Variants in EPS8 observed in about 807,000 individuals in gnomAD.
EPS8 encodes epidermal growth factor receptor kinase substrate 8.
In EPS8, 42 loss-of-function variants were observed where a neutral mutation model predicts 103.8. The observed-to-expected ratio is 0.40, with a 90% CI of 0.32 to 0.52. The LOEUF is 0.52. EPS8 is among the 20% of genes least tolerant of loss of function. EPS8 has a pLI of 0.40. For missense variants in EPS8, 969 were observed against 1,005.1 expected, an observed-to-expected ratio of 0.96 and a Z score of 0.49; for synonymous variants, 344 against 344.6, an observed-to-expected ratio of 1.00 and a Z score of 0.02.
chr12:15,720,877 G>C lies in EPS8; in HGVS notation c.-21-37905C>G, dbSNP rs185385281. On this transcript the variant is annotated intron_variant, in intron 1 of 20. Coordinates refer to ENST00000281172, the MANE Select transcript of EPS8 (RefSeq NM_004447.6). The stretch of plus-strand genomic sequence containing the variant: ...AGCCTGTTTATCTACCACTTGCTCA[G>C]AGAAGCACACCCAGATATTTAAAGT... Among the ~76,000 whole-genome samples, 4 of 152,246 alleles carry C rather than the reference G, an allele frequency of 2.6e-5. No homozygotes were observed. The East Asian group carries it at 7.7e-4, about 29-fold the overall frequency.
chr12:15,627,715 T>C (rs1411964800), intron 18 of EPS8, among the ~76,000 whole-genome samples: 1 of 152,188 alleles, frequency 6.6e-6, no homozygotes, highest in African/African-American at 2.4e-5. Context: ...AAAAGATGTG[T>C]GTGTATATGA....
chr12:15,780,529 CAG>C lies in EPS8; in HGVS notation c.-22+8630_-22+8631del, dbSNP rs1947250414. 6.6e-6 allele frequency: 1 copy of C among 151,332 alleles called. No homozygotes were observed. Among genetic ancestry groups the C allele is most frequent in the Non-Finnish European group, 1.4e-5 (1 of 68,988 alleles). 9.4% of individuals were successfully genotyped at this position (151,332 alleles called of 1,614,324 possible). A position where few individuals can be genotyped will look rare whatever the true frequency, so the allele number is the denominator to read the frequency against. ...ACACACACACACACACACACACACA[CAG>C]GCATACACACTTTTCATTTAACATC... On this transcript the variant is annotated intron_variant, in intron 1 of 20. Transcript: ENST00000281172. The surrounding 1 kb of genome is among the most constrained non-coding windows in gnomAD (Gnocchi z 4.1).
rs1284893603 is a variant in EPS8, at chr12:15,764,199, T to C, written c.-22+24962A>G. 6.6e-6 allele frequency among the ~76,000 whole-genome samples: 1 copy of C among 152,044 alleles called. No individual in the cohort carries two copies. Among genetic ancestry groups the C allele is most frequent in the Non-Finnish European group, 1.5e-5 (1 of 67,996 alleles). On this transcript the variant is annotated intron_variant, in intron 1 of 20. Transcript: ENST00000281172. The surrounding 1 kb of genome is among the most constrained non-coding windows in gnomAD (Gnocchi z 4.1). ...AACTCCCCTTTATAAAACCATCAGA[T>C]CTCGTGAGACTTATTCACTGTCACA...
chr12:15,732,659 T>A, intron 1 of EPS8: 1 of 465,654 alleles, frequency 2.1e-6, no homozygotes, highest in Non-Finnish European at 2.8e-6. Context: ...TTTGGAGAAG[T>A]CAAATAAATG....
rs1329964464 is a variant in EPS8 at position 15,620,367 on chromosome 12, AG to A, written c.*949del. 1.3e-5 allele frequency: 2 copies of A among 152,670 alleles called. No individual in the cohort carries two copies. Among genetic ancestry groups the A allele is most frequent in the Non-Finnish European group, 2.9e-5 (2 of 68,046 alleles). The allele number at this position is 152,670 out of a possible 1,614,324, so 9.5% of individuals were successfully genotyped here. ...TGTTTCCAAAAATAACATTTGTTGA[AG>A]GTTAGGTATCTTTCTTTTCTCTATG... On this transcript the variant is annotated 3_prime_UTR_variant, in exon 21 of 21. Coordinates refer to ENST00000281172, the MANE Select transcript of EPS8 (RefSeq NM_004447.6).
chr12:15,662,486 G>A, intron 8 of EPS8: 1 of 996,662 alleles, frequency 1.0e-6, no homozygotes, highest in Non-Finnish European at 1.2e-6. Context: ...AAGTTCTAAT[G>A]CAACAGAGCT....
intron 3 of EPS8, among the ~76,000 whole-genome samples, chr12:15,676,669 G>A (rs544754598): frequency 1.3e-5 from 2 of 152,160 alleles, no homozygotes; most frequent in African/African-American, 2.4e-5. Context: ...AAACAGCCTA[G>A]TTGGAAAAAA....
rs1947318459 is a variant in EPS8, at chr12:15,787,029, G to T, written c.-22+2132C>A. 9.2e-5 allele frequency among the ~76,000 whole-genome samples: 14 copies of T among 152,126 alleles called. No individual in the cohort carries two copies. On this transcript the variant is annotated intron_variant, in intron 1 of 20. Coordinates refer to ENST00000281172, the MANE Select transcript of EPS8 (RefSeq NM_004447.6). This position sits in a 1 kb window ranked among gnomAD's most constrained non-coding sequence, Gnocchi z 4.9. ...TCACACAACTCAGGAAAGCTGAGTT[G>T]TATATAAATATTACATAAATCAGTG...
At chr12:15,624,807 G>T (rs7310994) in intron 18 of EPS8, among the ~76,000 whole-genome samples, 1,669 of 152,246 alleles carry the variant, frequency 0.011, 35 homozygotes, top group African/African-American at 0.038. Flanking sequence ...GCTCTCAACT[G>T]GGGACAGTTT....
chr12:15,775,438 T>C (rs565880682), intron 1 of EPS8, among the ~76,000 whole-genome samples: 3 of 152,272 alleles, frequency 2.0e-5, no homozygotes, highest in East Asian at 3.9e-4. Context: ...CCAAAGCTCA[T>C]AAATAGCCAA....
chr12:15,737,175 C>T (rs573422998), intron 1 of EPS8, among the ~76,000 whole-genome samples: 2 of 152,074 alleles, frequency 1.3e-5, no homozygotes, highest in Non-Finnish European at 2.9e-5. Context: ...GAAAATACCA[C>T]CATAAATATC....
intron 1 of EPS8, among the ~76,000 whole-genome samples, chr12:15,737,612 G>A (rs1390626368): frequency 6.6e-6 from 1 of 152,062 alleles, no homozygotes; most frequent in Admixed American, 6.6e-5. Context: ...GAGGCATGAA[G>A]ACATTAAATT....
intron 8 of EPS8, among the ~76,000 whole-genome samples, chr12:15,663,015 A>G (rs1355984527): frequency 6.6e-6 from 1 of 151,656 alleles, no homozygotes; most frequent in Non-Finnish European, 1.5e-5. Flanking sequence ...AAAAAAAAAA[A>G]AGAAAGAAGA....
rs1170117253 is a variant in EPS8 at position 15,749,218 on chromosome 12, G to T, written c.-22+39943C>A. Among the ~76,000 whole-genome samples, 1 of 152,014 alleles carries T rather than the reference G, an allele frequency of 6.6e-6. No homozygotes were observed. The highest frequency in any genetic ancestry group is 1.5e-5 in the Non-Finnish European group (1 of 67,994). On this transcript the variant is annotated intron_variant, in intron 1 of 20. Transcript: ENST00000281172. This position sits in a 1 kb window ranked among gnomAD's most constrained non-coding sequence, Gnocchi z 4.0. Reference sequence around the variant, plus strand: ...AGTAATTAAAAAAAAATTTATTCTGGTTTCCAACACTGTCCAATAGGTTTT... The same window carrying T: ...AGTAATTAAAAAAAAATTTATTCTGTTTTCCAACACTGTCCAATAGGTTTT...
rs1026428468 is a variant in EPS8 at position 15,620,611 on chromosome 12, G to T, written c.*706C>A. ...AGAAGACATGACCTCTTTCGCATTT[G>T]TGCTTTCTCATATATAAGAACACAG... On this transcript the variant is annotated 3_prime_UTR_variant, in exon 21 of 21. Transcript: ENST00000281172. The T allele has an allele frequency of 2.0e-5, 3 of 152,552 alleles. No individual in the cohort carries two copies. The highest frequency in any genetic ancestry group is 4.4e-5 in the Non-Finnish European group (3 of 68,024). 9.4% of individuals were successfully genotyped at this position (152,552 alleles called of 1,614,324 possible).
chr12:15,642,495 A>C (rs1438665591), intron 15 of EPS8, among the ~76,000 whole-genome samples: 1 of 152,074 alleles, frequency 6.6e-6, no homozygotes, highest in African/African-American at 2.4e-5. Context: ...AAAACCAAAT[A>C]CCTCTTCTAA....
At position 15,702,423 on chromosome 12, in the gene EPS8, T is replaced by C. The variant is rs140792109; in HGVS notation, c.-21-19451A>G. On this transcript the variant is annotated intron_variant, in intron 1 of 20. Transcript: ENST00000281172. The surrounding 1 kb of genome is among the most constrained non-coding windows in gnomAD (Gnocchi z 5.1). ...AGCACTTTTAAACTACAAACACTTC[T>C]GGGAGTAATAATGTATTATGTCATT... is the stretch of plus-strand genomic sequence containing the variant. 0.019 allele frequency among the ~76,000 whole-genome samples: 2,884 copies of C among 152,290 alleles called. 39 individuals are homozygous for C. Among genetic ancestry groups the C allele is most frequent in the Non-Finnish European group, 0.029 (1,988 of 68,018 alleles).
chr12:15,741,222 T>C (rs1421288028), intron 1 of EPS8, among the ~76,000 whole-genome samples: 1 of 152,188 alleles, frequency 6.6e-6, no homozygotes, highest in Admixed American at 6.5e-5. Flanking sequence ...GCATTTTGTA[T>C]ATAAAGTCCA....
In EPS8 at chr12:15,670,838, A is replaced by AAC; in HGVS notation, c.204+16_204+17dup. ...TCAAGGGTCACTCTAAATACTAGCAAACACCAAAGCATCTTACTTCAACAC... is the reference window on the plus strand; with the variant it reads ...TCAAGGGTCACTCTAAATACTAGCAAACACACCAAAGCATCTTACTTCAACAC... On this transcript the variant is annotated intron_variant, in intron 4 of 20. Transcript: ENST00000281172. 1 of 1,580,892 alleles carries AAC rather than the reference A, an allele frequency of 6.3e-7. No homozygotes were observed. The highest frequency in any genetic ancestry group is 8.7e-7 in the Non-Finnish European group (1 of 1,151,844).
Sources: allele counts gnomAD v4.1 joint callset (sites outside exome capture counted in the v4.1 genomes callset), GRCh38; gene constraint gnomAD v4.1.1; non-coding constraint Gnocchi (gnomAD v3.1); transcripts MANE v1.5; gene names NCBI Gene and HGNC (gene_info 2026-07-23, HGNC 2026-07-21).